LRP4: variants seen among roughly 807,000 people sequenced by gnomAD.
The protein encoded by LRP4 is LDL receptor related protein 4.
Under a neutral mutation model 220.3 loss-of-function variants are expected in LRP4, and 95 were observed. The observed-to-expected ratio is 0.43, with a 90% CI of 0.37 to 0.51. The LOEUF (loss-of-function observed/expected upper bound fraction) is 0.51, where lower values mean the gene tolerates loss of function less well. Ranked by LOEUF, LRP4 falls within the 20% of genes least tolerant of loss-of-function variation. The pLI is 0.00. For synonymous variants in LRP4, 903 were observed against 954.6 expected, an observed-to-expected ratio of 0.95 and a Z score of 1.00; for missense variants, 1,925 against 2,567.0, an observed-to-expected ratio of 0.75 and a Z score of 5.40.
At chr11:46,912,030 T>C (rs1941868390) in intron 1 of LRP4, among the ~76,000 whole-genome samples, 2 of 152,020 alleles carry the variant, frequency 1.3e-5, no homozygotes, top group Admixed American at 1.3e-4. Context: ...ATTTTTGTAT[T>C]TTTAGTAGAC....
At position 46,873,755 on chromosome 11, in the gene LRP4, T is replaced by C. The variant is rs7111229; in HGVS notation, c.4230-162A>G. The C allele has an allele frequency of 1, 593,937 of 595,062 alleles. 296,416 individuals carry two copies. Among genetic ancestry groups the C allele is most frequent in the East Asian group, 1 (36,186 of 36,186 alleles). 36.9% of individuals were successfully genotyped at this position (595,062 alleles called of 1,614,324 possible). The stretch of plus-strand genomic sequence containing the variant: ...TCCTCAGCACCCAGCATGATAGATG[T>C]TCAATAAAATAATTGCAGAATGAAG... On this transcript the variant is annotated intron_variant, in intron 28 of 37. Coordinates refer to ENST00000378623, the MANE Select transcript of LRP4 (RefSeq NM_002334.4). The surrounding 1 kb of genome is among the most constrained non-coding windows in gnomAD (Gnocchi z 4.2).
chr11:46,918,272 G>C lies in LRP4; in HGVS notation c.52+56C>G, dbSNP rs1453906404. 2 of 1,487,714 alleles carry C rather than the reference G, an allele frequency of 1.3e-6. No homozygotes were observed. Among genetic ancestry groups the C allele is most frequent in the Non-Finnish European group, 1.8e-6 (2 of 1,116,036 alleles). 92.2% of individuals were successfully genotyped at this position (1,487,714 alleles called of 1,614,324 possible). A position where few individuals can be genotyped will look rare whatever the true frequency, so the allele number is the denominator to read the frequency against. On this transcript the variant is annotated intron_variant, in intron 1 of 37. Transcript: ENST00000378623. This position sits in a 1 kb window ranked among gnomAD's most constrained non-coding sequence, Gnocchi z 6.0. ...GCCCGCGCCGTCCAGGTCCCGGGAG[G>C]CGAGTCCTGCAGCGGCCGGACCCAG...
At chr11:46,861,282 T>A (rs189036036) in intron 37 of LRP4, among the ~76,000 whole-genome samples, 14 of 152,122 alleles carry the variant, frequency 9.2e-5, no homozygotes, top group Admixed American at 2.6e-4. Flanking sequence ...AATACGGGAA[T>A]TCATGGATCC....
At chr11:46,886,022 T>C in intron 18 of LRP4, 69 bp downstream of exon 18, 1 of 1,341,554 alleles carries the variant, frequency 7.5e-7, no homozygotes, top group Non-Finnish European at 1.1e-6. Context: ...GCTCCTTCTA[T>C]CTGAGGCCAG....
At chr11:46,902,467 G>A (rs1416311249) in intron 2 of LRP4, among the ~76,000 whole-genome samples, 3 of 151,816 alleles carry the variant, frequency 2.0e-5, no homozygotes, top group South Asian at 2.1e-4. Flanking sequence ...ACAAATATGC[G>A]GTACATATAC....
At chr11:46,893,901 AT>A (rs766275851) in intron 12 of LRP4, among the ~76,000 whole-genome samples, 526 of 104,022 alleles carry the variant, frequency 5.1e-3, no homozygotes, top group East Asian at 5.0e-3. Flanking sequence ...CGCTTGAACT[AT>A]TTTTTTTTTT....
chr11:46,888,843 C>T (rs189509139), intron 16 of LRP4, among the ~76,000 whole-genome samples: 21 of 152,234 alleles, frequency 1.4e-4, no homozygotes, highest in African/African-American at 4.6e-4. Context: ...AAAAAGTCAT[C>T]GTGTGCTGGG....
At position 46,876,630 on chromosome 11, in the gene LRP4, C is replaced by T. The variant is rs769803802; in HGVS notation, c.3372G>A (p.Gln1124=). The change falls in exon 25 of 38, where the codon CAG becomes CAA. Residue 1124 remains glutamine, a synonymous_variant. Coordinates refer to ENST00000378623, the MANE Select transcript of LRP4 (RefSeq NM_002334.4). ...CATCAACCGCGAGCCCATCTGTGGT[C>T]TGTAGCCCTGTGGGAAGTCAAAAGA... ...QHEDIITTGL[Q]TTDGLAVDAI... The T allele has an allele frequency of 1.2e-6, 2 of 1,614,196 alleles. No homozygotes were observed. The highest frequency in any genetic ancestry group is 1.7e-6 in the Non-Finnish European group (2 of 1,180,044).
intron 37 of LRP4, among the ~76,000 whole-genome samples, chr11:46,861,995 G>T (rs1220747413): frequency 6.6e-6 from 1 of 151,292 alleles, no homozygotes; most frequent in Non-Finnish European, 1.5e-5. Flanking sequence ...TTGAACCCGG[G>T]AGGTGGAGGT....
At chr11:46,914,026 A>G (rs1454316956) in intron 1 of LRP4, among the ~76,000 whole-genome samples, 1 of 152,184 alleles carries the variant, frequency 6.6e-6, no homozygotes, top group African/African-American at 2.4e-5. Flanking sequence ...CCCATGTTCT[A>G]AAGCCAAGAA....
Position 46,896,320 on chromosome 11 carries a change from G to A in LRP4, c.938C>T (p.Ala313Val), listed in dbSNP as rs1428090167. 1 of 1,613,974 alleles carries A rather than the reference G, an allele frequency of 6.2e-7. No homozygotes were observed. Among genetic ancestry groups the A allele is most frequent in the Non-Finnish European group, 8.5e-7 (1 of 1,180,036 alleles). ...ATTCCAACACAGGAACTGGTCCAAG[G>A]CACATTGGGGGCTTCCTAGAGAGAT... is the stretch of plus-strand genomic sequence containing the variant. Reference protein sequence around the residue: ...NCENTGSPQCALDQFLCWNGR... With the variant: ...NCENTGSPQCVLDQFLCWNGR... Residue 313 changes from alanine to valine, a missense_variant, in exon 9 of 38, where the codon GCC (alanine) becomes GTC (valine). By Grantham distance (64) the Ala-to-Val change is moderately conservative. This residue lies in a region of LRP4 where 412 missense variants were observed against 505.4 expected (regional missense o/e 0.82). Coordinates refer to ENST00000378623, the MANE Select transcript of LRP4 (RefSeq NM_002334.4).
intron 25 of LRP4, 86 bp downstream of exon 25, chr11:46,876,380 T>G: frequency 6.6e-7 from 1 of 1,521,892 alleles, no homozygotes; most frequent in Non-Finnish European, 9.1e-7. Flanking sequence ...GATGCAAGCT[T>G]CCTCTCCACT....
chr11:46,881,588 A>T, intron 20 of LRP4, 114 bp downstream of exon 20: 1 of 1,013,116 alleles, frequency 9.9e-7, no homozygotes, highest in Non-Finnish European at 1.6e-6. Flanking sequence ...CATAACCTCC[A>T]GATCCCCTTA....
intron 25 of LRP4, 122 bp downstream of exon 25, chr11:46,876,344 C>G (rs1296345291): frequency 9.0e-7 from 1 of 1,108,002 alleles, no homozygotes; most frequent in Non-Finnish European, 1.4e-6. Flanking sequence ...AGTGGAAGAG[C>G]CCCAGGGAGG....
intron 30 of LRP4, 46 bp from the exon 31 acceptor site, chr11:46,871,679 G>A (rs1940868493): frequency 7.7e-7 from 1 of 1,299,384 alleles, no homozygotes; most frequent in Non-Finnish European, 1.1e-6. Context: ...GCTTGCCAGG[G>A]AGCCCAGCTC....
intron 19 of LRP4, among the ~76,000 whole-genome samples, chr11:46,883,550 C>T (rs1004695099): frequency 6.6e-6 from 1 of 152,216 alleles, no homozygotes; most frequent in African/African-American, 2.4e-5. Flanking sequence ...AGAAACAATG[C>T]TAATGACTGG....
Position 46,865,094 on chromosome 11 carries a change from G to C in LRP4, c.5155+25C>G, listed in dbSNP as rs765154557. On this transcript the variant is annotated intron_variant, in intron 35 of 37. Transcript: ENST00000378623. ...TAGATTCATTACATCTTCTTTTCCGGAACAGTGGGGTACTCAGGGCTTACC... is the reference window on the plus strand; with the variant it reads ...TAGATTCATTACATCTTCTTTTCCGCAACAGTGGGGTACTCAGGGCTTACC... The C allele has an allele frequency of 9.0e-6, 14 of 1,551,520 alleles. No homozygotes were observed. In the South Asian group the frequency reaches 1.7e-4, roughly 18 times the overall value.
rs749870828 is a variant in LRP4, at chr11:46,897,005, CA to C, written c.797-12del. The C allele has an allele frequency of 3.7e-6, 6 of 1,614,118 alleles. No individual in the cohort carries two copies. Among genetic ancestry groups the C allele is most frequent in the Non-Finnish European group, 1.7e-6 (2 of 1,179,974 alleles). On this transcript the variant is annotated splice_polypyrimidine_tract_variant and intron_variant, in intron 7 of 37. Coordinates refer to ENST00000378623, the MANE Select transcript of LRP4 (RefSeq NM_002334.4). ...TACACATGGAGGTGGCTGGGCAAAG[CA>C]AAGGCTTAATGAAAGGTGGGCCCCA...
rs750830696 is a variant in LRP4, at chr11:46,862,675, G to A, written c.5316C>T (p.Ser1772=). 3.1e-6 allele frequency: 5 copies of A among 1,613,506 alleles called. No individual in the cohort carries two copies. Among genetic ancestry groups the A allele is most frequent in the Non-Finnish European group, 8.5e-7 (1 of 1,179,698 alleles). Residue 1772 remains serine (S), a synonymous_variant, in exon 37 of 38, where the codon TCC becomes TCT. Transcript: ENST00000378623. ...TTGCTTCAATCTTCACTTCCTGTGT[G>A]GATGTTCGGTAGGAGGGGTTGCTGT... ...LTYSNPSYRT[S]TQEVKIEAIP...
Sources: allele counts gnomAD v4.1 joint callset (sites outside exome capture counted in the v4.1 genomes callset), GRCh38; gene constraint gnomAD v4.1.1; regional missense constraint gnomAD v4.1.1; non-coding constraint Gnocchi (gnomAD v3.1); transcripts MANE v1.5; gene names NCBI Gene and HGNC (gene_info 2026-07-23, HGNC 2026-07-21).